MAML3: variants seen among roughly 807,000 people sequenced by gnomAD.
MAML3 encodes the protein mastermind like transcriptional coactivator 3, also known as mastermind-like protein 3.
A neutral mutation model predicts 101.9 loss-of-function variants in MAML3; 27 were observed. The observed-to-expected ratio is 0.27, with a 90% CI of 0.20 to 0.37. MAML3 has a LOEUF of 0.37. MAML3 is among the 10% of genes least tolerant of loss of function. The probability of loss-of-function intolerance (pLI) is 1.00; values close to 1 mark genes in which losing one functional copy is unlikely to be tolerated. For missense variants in MAML3, 1,316 were observed against 1,444.9 expected (o/e 0.91, Z 1.45); for synonymous variants, 501 against 555.9 (o/e 0.90, Z 1.39).
chr4:139,898,726 T>G (rs1034817312), intron 1 of MAML3, among the ~76,000 whole-genome samples: 1 of 152,258 alleles, frequency 6.6e-6, no homozygotes, highest in African/African-American at 2.4e-5. Context: ...TGGAATCAAT[T>G]ATCACATGCT....
intron 2 of MAML3, among the ~76,000 whole-genome samples, chr4:139,738,539 T>G (rs1168059612): frequency 6.6e-6 from 1 of 152,212 alleles, no homozygotes. Flanking sequence ...AGCGACACTC[T>G]GTCTCAAACA....
intron 1 of MAML3, among the ~76,000 whole-genome samples, chr4:140,125,867 C>T (rs1279525430): frequency 6.6e-6 from 1 of 152,160 alleles, no homozygotes; most frequent in Non-Finnish European, 1.5e-5. Flanking sequence ...CAACCTCCGC[C>T]TCCCGGATTC....
At chr4:140,048,760 G>GT (rs1195267987) in intron 1 of MAML3, among the ~76,000 whole-genome samples, 8 of 152,176 alleles carry the variant, frequency 5.3e-5, no homozygotes, top group African/African-American at 1.9e-4. Context: ...ATCGTAACGA[G>GT]TTTTTTAAAA....
chr4:139,980,246 C>T (rs1210174589), intron 1 of MAML3, among the ~76,000 whole-genome samples: 2 of 152,166 alleles, frequency 1.3e-5, no homozygotes, highest in Non-Finnish European at 2.9e-5. Flanking sequence ...AACCTCAATA[C>T]CCACAGACAA....
intron 1 of MAML3, among the ~76,000 whole-genome samples, chr4:140,056,313 C>T (rs1022710530): frequency 1.3e-5 from 2 of 151,978 alleles, no homozygotes; most frequent in Non-Finnish European, 2.9e-5. Context: ...ATTTCAAGTC[C>T]TGGCACACAG....
At chr4:139,902,237 AGG>A in intron 1 of MAML3, among the ~76,000 whole-genome samples, 2 of 140,484 alleles carry the variant, frequency 1.4e-5, no homozygotes, top group South Asian at 2.4e-4. Flanking sequence ...ACACACACGC[AGG>A]CGCGCACGCA....
intron 1 of MAML3, among the ~76,000 whole-genome samples, chr4:140,041,502 T>C (rs1727085571): frequency 6.6e-6 from 1 of 152,136 alleles, no homozygotes; most frequent in Non-Finnish European, 1.5e-5. Flanking sequence ...TGCACACCTG[T>C]AATCTCAGCT....
At chr4:139,838,446 T>C (rs1228715756) in intron 2 of MAML3, among the ~76,000 whole-genome samples, 1 of 152,164 alleles carries the variant, frequency 6.6e-6, no homozygotes, top group African/African-American at 2.4e-5. Context: ...ATCCATTAGA[T>C]ATTGCTCAAT....
chr4:140,003,435 T>C (rs1272997935), intron 1 of MAML3, among the ~76,000 whole-genome samples: 3 of 151,968 alleles, frequency 2.0e-5, no homozygotes, highest in East Asian at 1.9e-4. Flanking sequence ...GGTAATAGGC[T>C]AGGGGACAGT....
At chr4:139,878,655 C>T (rs914954370) in intron 2 of MAML3, among the ~76,000 whole-genome samples, 1 of 152,076 alleles carries the variant, frequency 6.6e-6, no homozygotes, top group African/African-American at 2.4e-5. Context: ...ATCTAAGAGT[C>T]TGGAAATGGA....
intron 1 of MAML3, among the ~76,000 whole-genome samples, chr4:140,084,882 C>CT (rs1226264525): frequency 6.6e-6 from 1 of 152,032 alleles, no homozygotes; most frequent in African/African-American, 2.4e-5. Context: ...AAAATACTAC[C>CT]TTTTTTTCCC....
At chr4:140,059,459 C>T (rs893671233) in intron 1 of MAML3, among the ~76,000 whole-genome samples, 7 of 152,152 alleles carry the variant, frequency 4.6e-5, no homozygotes, top group African/African-American at 1.7e-4. Context: ...AAGGAATGTG[C>T]TCAGGAACAG....
At chr4:140,017,863 A>G (rs1001819361) in intron 1 of MAML3, among the ~76,000 whole-genome samples, 8 of 152,008 alleles carry the variant, frequency 5.3e-5, no homozygotes, top group African/African-American at 1.7e-4. Context: ...GATTGTATCA[A>G]TGTTAATACC....
At chr4:139,832,107 T>TCCC (rs1245575458) in intron 2 of MAML3, among the ~76,000 whole-genome samples, 5 of 120,320 alleles carry the variant, frequency 4.2e-5, no homozygotes, top group African/African-American at 1.4e-4. Flanking sequence ...TTTTTTTTTT[T>TCCC]TTTTTTTTTT....
chr4:140,117,674 C>T (rs372053411), intron 1 of MAML3, among the ~76,000 whole-genome samples: 23 of 150,876 alleles, frequency 1.5e-4, no homozygotes, highest in African/African-American at 5.3e-4. Flanking sequence ...CACATATATA[C>T]GTATGTGTAT....
At position 139,889,485 on chromosome 4, in the gene MAML3, G is replaced by T. The variant is rs372496848; in HGVS notation, c.1951C>A (p.Pro651Thr). 1.1e-6 allele frequency: 1 copy of T among 941,010 alleles called. No homozygotes were observed. The highest frequency in any genetic ancestry group is 1.5e-5 in the African/African-American group (1 of 68,112). The allele number at this position is 941,010 out of a possible 1,614,324, so 58.3% of individuals were successfully genotyped here. ...QQQQQQQQQQPPPPQLQAPRA... is the reference protein window; with the variant it reads ...QQQQQQQQQQTPPPQLQAPRA... ...GGGGCCTGGAGCTGTGGAGGTGGCGGCTGCTGCTGCTGCTGCTGCTGCTGT... is the reference window on the plus strand; with the variant it reads ...GGGGCCTGGAGCTGTGGAGGTGGCGTCTGCTGCTGCTGCTGCTGCTGCTGT... The change falls in exon 2 of 5, where the codon CCG (proline) becomes ACG (threonine). Residue 651 changes from proline (P) to threonine (T), a missense_variant. Pro to Thr is a conservative substitution (Grantham distance 38, BLOSUM62 -1). Transcript: ENST00000509479.
chr4:140,109,092 T>C (rs1728399473), intron 1 of MAML3, among the ~76,000 whole-genome samples: 1 of 152,212 alleles, frequency 6.6e-6, no homozygotes, highest in Non-Finnish European at 1.5e-5. Flanking sequence ...TTACACTTAT[T>C]GTCTCAACAT....
At chr4:139,903,352 T>G (rs941769488) in intron 1 of MAML3, among the ~76,000 whole-genome samples, 1 of 152,176 alleles carries the variant, frequency 6.6e-6, no homozygotes, top group African/African-American at 2.4e-5. Context: ...ATTCCCAATA[T>G]AATAGCCTAC....
intron 2 of MAML3, among the ~76,000 whole-genome samples, chr4:139,771,935 A>G (rs1179190921): frequency 7.4e-6 from 1 of 134,660 alleles, no homozygotes; most frequent in African/African-American, 3.1e-5. Context: ...GGTCACCTCT[A>G]CTTAAAGTAA....
Sources: allele counts gnomAD v4.1 joint callset (sites outside exome capture counted in the v4.1 genomes callset), GRCh38; gene constraint gnomAD v4.1.1; transcripts MANE v1.5; gene names NCBI Gene and HGNC (gene_info 2026-07-23, HGNC 2026-07-21).